The following ERBB4 variants were observed in gnomAD, a reference collection of about 807,000 sequenced individuals.
ERBB4 encodes the protein receptor tyrosine-protein kinase erbB-4.
ERBB4 carries 42 observed loss-of-function variants against 158.0 expected under a neutral mutation model. The ratio of observed to expected loss-of-function variants is 0.27; its 90% CI spans 0.21 to 0.34. The LOEUF (loss-of-function observed/expected upper bound fraction) is 0.34, where lower values mean the gene tolerates loss of function less well. Among genes scored for constraint, ERBB4 ranks in the 10% least tolerant of loss-of-function variants. The pLI is 1.00. For missense variants in ERBB4, 1,333 were observed against 1,624.1 expected (o/e 0.82, Z 3.08); for synonymous variants, 583 against 558.7 (o/e 1.04, Z -0.61).
intron 1 of ERBB4, among the ~76,000 whole-genome samples, chr2:212,151,437 G>C (rs1174113028): frequency 6.6e-6 from 1 of 150,676 alleles, no homozygotes; most frequent in African/African-American, 2.4e-5. Flanking sequence ...TCATCTAATA[G>C]GTACAAAAAT....
intron 27 of ERBB4, among the ~76,000 whole-genome samples, chr2:211,385,082 T>C (rs949944898): frequency 6.6e-6 from 1 of 152,188 alleles, no homozygotes; most frequent in South Asian, 2.1e-4. Flanking sequence ...CAATTCTTTG[T>C]TGAGAGGCCA....
intron 2 of ERBB4, among the ~76,000 whole-genome samples, chr2:212,072,001 C>T (rs912762285): frequency 1.3e-5 from 2 of 151,946 alleles, no homozygotes; most frequent in Non-Finnish European, 2.9e-5. Context: ...GAAGAAGAAA[C>T]TGAGGCTCAG....
intron 3 of ERBB4, among the ~76,000 whole-genome samples, chr2:211,839,019 T>G (rs1286446278): frequency 6.6e-6 from 1 of 152,140 alleles, no homozygotes; most frequent in Non-Finnish European, 1.5e-5. Context: ...CATTCTTAAA[T>G]GTTTAATACA....
intron 1 of ERBB4, among the ~76,000 whole-genome samples, chr2:212,503,673 T>A (rs1560499258): frequency 6.6e-6 from 1 of 152,204 alleles, no homozygotes. Flanking sequence ...GATGTAACAA[T>A]GCTGACAAGT....
chr2:211,793,993 T>A (rs1215531641), intron 3 of ERBB4, among the ~76,000 whole-genome samples: 1 of 151,894 alleles, frequency 6.6e-6, no homozygotes, highest in Non-Finnish European at 1.5e-5. Flanking sequence ...TGACGTAACC[T>A]TCTATATTTC....
chr2:211,623,989 A>C lies in ERBB4; in HGVS notation c.2135T>G (p.Ile712Ser). Residue 712 changes from isoleucine (I) to serine (S), a missense_variant, in exon 18 of 28, where the codon ATT (isoleucine) becomes AGT (serine). By Grantham distance (142) the Ile-to-Ser change is moderately radical. Coordinates refer to ENST00000342788, the MANE Select transcript of ERBB4 (RefSeq NM_005235.3). Reference protein sequence around the residue: ...GTAPNQAQLRILKETELKRVK... With the variant: ...GTAPNQAQLRSLKETELKRVK... The stretch of plus-strand genomic sequence containing the variant: ...CCTCTTCAGCTCAGTTTCTTTCAAA[A>C]TACGAAGTTGAGCTTGATTGGGTGC... 1 of 1,614,110 alleles carries C rather than the reference A, an allele frequency of 6.2e-7. No individual in the cohort carries two copies. Among genetic ancestry groups the C allele is most frequent in the Non-Finnish European group, 8.5e-7 (1 of 1,179,976 alleles).
At chr2:211,874,283 C>T (rs1409878980) in intron 3 of ERBB4, among the ~76,000 whole-genome samples, 1 of 152,102 alleles carries the variant, frequency 6.6e-6, no homozygotes, top group African/African-American at 2.4e-5. Context: ...TTATACTCAG[C>T]CAATAAGAGA....
At chr2:211,390,121 T>G (rs1267997884) in intron 25 of ERBB4, among the ~76,000 whole-genome samples, 6 of 152,216 alleles carry the variant, frequency 3.9e-5, no homozygotes, top group African/African-American at 7.2e-5. Context: ...AACTGCCTGG[T>G]GGAACTTTAC....
At chr2:211,984,468 T>G (rs1390490617) in intron 2 of ERBB4, among the ~76,000 whole-genome samples, 2 of 152,176 alleles carry the variant, frequency 1.3e-5, no homozygotes, top group African/African-American at 2.4e-5. Flanking sequence ...AGCAAAAGTT[T>G]GGAAATTCCT....
chr2:211,439,694 G>A (rs759530581), intron 20 of ERBB4, among the ~76,000 whole-genome samples: 1 of 152,292 alleles, frequency 6.6e-6, no homozygotes, highest in East Asian at 1.9e-4. Flanking sequence ...AGGAGTACTA[G>A]CAGTAATACA....
chr2:212,130,045 A>G (rs1402799572), intron 1 of ERBB4, among the ~76,000 whole-genome samples: 2 of 152,110 alleles, frequency 1.3e-5, no homozygotes, highest in African/African-American at 4.8e-5. Context: ...TGATTTTACA[A>G]TCAAGCAATG....
chr2:211,712,242 C>A, intron 8 of ERBB4, 66 bp from the exon 9 acceptor site: 1 of 1,476,964 alleles, frequency 6.8e-7, no homozygotes, highest in South Asian at 1.1e-5. Context: ...ATCATTGCAT[C>A]TTCATTATAA....
At chr2:211,757,635 C>A (rs1258325549) in intron 4 of ERBB4, among the ~76,000 whole-genome samples, 1 of 152,184 alleles carries the variant, frequency 6.6e-6, no homozygotes, top group Non-Finnish European at 1.5e-5. Context: ...CTCAGGGGCT[C>A]AACTCCCTCC....
chr2:212,385,083 C>T (rs1049798109), intron 1 of ERBB4, among the ~76,000 whole-genome samples: 3 of 151,426 alleles, frequency 2.0e-5, no homozygotes, highest in African/African-American at 4.8e-5. Flanking sequence ...TGTTTGCAAA[C>T]TAACTGGAAG....
intron 14 of ERBB4, among the ~76,000 whole-genome samples, chr2:211,670,730 A>C (rs1386721233): frequency 2.6e-5 from 4 of 152,194 alleles, no homozygotes; most frequent in Non-Finnish European, 4.4e-5. Flanking sequence ...CCTACAAGAC[A>C]ATAAAATAAA....
At chr2:211,508,192 C>T (rs867755574) in intron 20 of ERBB4, among the ~76,000 whole-genome samples, 1 of 152,044 alleles carries the variant, frequency 6.6e-6, no homozygotes, top group African/African-American at 2.4e-5. Flanking sequence ...TCAGAGTGAA[C>T]AGACAACCTA....
At chr2:211,431,193 G>T in intron 20 of ERBB4, 93 bp from the exon 21 acceptor site, 2 of 1,167,366 alleles carry the variant, frequency 1.7e-6, no homozygotes, top group Non-Finnish European at 2.5e-6. Flanking sequence ...AGTTGGAAGT[G>T]CCTAATTTTT....
intron 3 of ERBB4, among the ~76,000 whole-genome samples, chr2:211,855,055 G>T (rs1229193310): frequency 6.6e-6 from 1 of 151,230 alleles, no homozygotes; most frequent in Non-Finnish European, 1.5e-5. Flanking sequence ...GCACATGAGG[G>T]TACTACACTC....
intron 3 of ERBB4, among the ~76,000 whole-genome samples, chr2:211,869,874 C>T (rs544718700): frequency 1.3e-5 from 2 of 152,084 alleles, no homozygotes; most frequent in African/African-American, 4.8e-5. Flanking sequence ...ACCACAAAAA[C>T]CTATTTGATT....
Sources: gnomAD v4.1 joint callset for allele counts (sites outside exome capture counted in the v4.1 genomes callset) on GRCh38, gnomAD v4.1.1 for gene constraint, MANE v1.5 for transcripts, NCBI Gene and HGNC (gene_info 2026-07-23, HGNC 2026-07-21) for gene names.